Variants in AK5 observed in about 807,000 individuals in gnomAD.
AK5 encodes adenylate kinase 5, also known as adenylate kinase isoenzyme 5.
A neutral mutation model predicts 69.5 loss-of-function variants in AK5; 27 were observed. The observed-to-expected ratio is 0.39, with a 90% CI of 0.29 to 0.54. The LOEUF is 0.54. AK5 is among the 20% of genes least tolerant of loss of function. The pLI is 0.71. For missense variants in AK5, 531 were observed against 700.4 expected (o/e 0.76, Z 2.73); for synonymous variants, 260 against 244.4 (o/e 1.06, Z -0.60).
intron 5 of AK5, among the ~76,000 whole-genome samples, chr1:77,329,475 G>A (rs1308984499): frequency 6.6e-6 from 1 of 152,006 alleles, no homozygotes; most frequent in Non-Finnish European, 1.5e-5. Flanking sequence ...TGCCCAGGCT[G>A]GTCTCAAACT....
At chr1:77,337,056 C>A (rs1243367431) in intron 5 of AK5, among the ~76,000 whole-genome samples, 3 of 152,048 alleles carry the variant, frequency 2.0e-5, no homozygotes, top group Non-Finnish European at 2.9e-5. Context: ...GATCAAAAAT[C>A]TTATGTATTC....
intron 8 of AK5, among the ~76,000 whole-genome samples, chr1:77,473,014 G>A (rs1654617434): frequency 1.3e-5 from 2 of 152,058 alleles, no homozygotes; most frequent in South Asian, 4.1e-4. Context: ...CCCATCTCAG[G>A]ATCCTTAACT....
intron 6 of AK5, among the ~76,000 whole-genome samples, chr1:77,409,733 T>G (rs1649907712): frequency 6.6e-6 from 1 of 152,236 alleles, no homozygotes; most frequent in Admixed American, 6.5e-5. Flanking sequence ...GTGCAGAAGC[T>G]CTCAAGTTTA....
At chr1:77,353,494 T>C (rs1450492871) in intron 6 of AK5, among the ~76,000 whole-genome samples, 1 of 151,726 alleles carries the variant, frequency 6.6e-6, no homozygotes, top group Non-Finnish European at 1.5e-5. Context: ...AGAAAAAAAA[T>C]TATTTAGTGC....
intron 5 of AK5, among the ~76,000 whole-genome samples, chr1:77,330,209 TTAA>T (rs1451332722): frequency 6.6e-6 from 1 of 152,236 alleles, no homozygotes; most frequent in Non-Finnish European, 1.5e-5. Context: ...ATGGAGTATT[TTAA>T]TAATAAGTGT....
intron 8 of AK5, among the ~76,000 whole-genome samples, chr1:77,441,097 T>G (rs1652299199): frequency 6.6e-6 from 1 of 152,202 alleles, no homozygotes; most frequent in South Asian, 2.1e-4. Context: ...AGCTCTCTAT[T>G]GCATTTTTTA....
intron 6 of AK5, among the ~76,000 whole-genome samples, chr1:77,378,757 T>C (rs534290003): frequency 3.9e-5 from 6 of 152,270 alleles, no homozygotes; most frequent in African/African-American, 1.4e-4. Flanking sequence ...CCAGGGAAGA[T>C]AAAGGAGCTA....
At chr1:77,401,325 G>T (rs1222724842) in intron 6 of AK5, among the ~76,000 whole-genome samples, 1 of 152,182 alleles carries the variant, frequency 6.6e-6, no homozygotes, top group Non-Finnish European at 1.5e-5. Context: ...ATTTTGAAGG[G>T]CCAGTTATTT....
At chr1:77,553,006 C>A (rs1450388766) in intron 13 of AK5, among the ~76,000 whole-genome samples, 1 of 152,184 alleles carries the variant, frequency 6.6e-6, no homozygotes, top group Non-Finnish European at 1.5e-5. Flanking sequence ...CACTACTGCA[C>A]TCCAGCCTGG....
Position 77,354,236 on chromosome 1 carries a change from C to T in AK5, c.891+13668C>T, listed in dbSNP as rs1662374600. On this transcript the variant is annotated intron_variant, in intron 6 of 13. Coordinates refer to ENST00000354567, the MANE Select transcript of AK5 (RefSeq NM_174858.3). ...GCTCTCTCCCTGCTCAACAACCCCA[C>T]TGAGGAATTTAATTTAGCTTAGTAT... is the stretch of plus-strand genomic sequence containing the variant. Among the ~76,000 whole-genome samples the T allele has an allele frequency of 2.6e-5, 4 of 152,288 alleles. No individual in the cohort carries two copies. In the South Asian group the frequency reaches 8.3e-4, roughly 32 times the overall value.
chr1:77,420,283 C>G (rs996013945), intron 8 of AK5: 2 of 151,876 alleles, frequency 1.3e-5, no homozygotes, highest in African/African-American at 2.4e-5. Context: ...TGTAAACCAG[C>G]AGAAGATGGA....
At chr1:77,430,335 A>G (rs965291271) in intron 8 of AK5, among the ~76,000 whole-genome samples, 4 of 152,124 alleles carry the variant, frequency 2.6e-5, no homozygotes, top group Non-Finnish European at 4.4e-5. Context: ...GTTGAAGATG[A>G]CTTCTGGGTT....
At chr1:77,485,785 C>T (rs951568222) in intron 9 of AK5, among the ~76,000 whole-genome samples, 1 of 152,064 alleles carries the variant, frequency 6.6e-6, no homozygotes, top group Admixed American at 6.6e-5. Context: ...GTTGATCGTG[C>T]ATGTTAAAAT....
chr1:77,332,831 G>A (rs1432284791), intron 5 of AK5, among the ~76,000 whole-genome samples: 2 of 151,892 alleles, frequency 1.3e-5, no homozygotes, highest in African/African-American at 4.8e-5. Context: ...TGTTAATTGT[G>A]TTGAAATATT....
At chr1:77,342,026 G>A (rs1045260550) in intron 6 of AK5, among the ~76,000 whole-genome samples, 2 of 152,108 alleles carry the variant, frequency 1.3e-5, no homozygotes, top group Non-Finnish European at 2.9e-5. Context: ...AGCCTCCCAA[G>A]TAGCTGGGAT....
Position 77,402,238 on chromosome 1 carries a change from C to A in AK5, c.892-8743C>A, listed in dbSNP as rs17098287. ...GCTGCAGCACTATCACTCCTGCTAC[C>A]CTTTGTATTTTGAAGTTAACATCCA... On this transcript the variant is annotated intron_variant, in intron 6 of 13. Coordinates refer to ENST00000354567, the MANE Select transcript of AK5 (RefSeq NM_174858.3). 4.0e-5 allele frequency among the ~76,000 whole-genome samples: 6 copies of A among 151,888 alleles called. No homozygotes were observed. In the East Asian group the frequency reaches 1.2e-3, roughly 29 times the overall value.
intron 13 of AK5, among the ~76,000 whole-genome samples, chr1:77,538,040 C>T (rs896620261): frequency 5.9e-5 from 9 of 152,084 alleles, no homozygotes; most frequent in African/African-American, 1.7e-4. Context: ...ATAAAGACTT[C>T]GATCTTTAAT....
intron 5 of AK5, among the ~76,000 whole-genome samples, chr1:77,307,923 A>G (rs1158347214): frequency 6.6e-6 from 1 of 152,158 alleles, no homozygotes; most frequent in Non-Finnish European, 1.5e-5. Flanking sequence ...TTTTTTCTAT[A>G]TAGATAGTCG....
At chr1:77,451,986 T>C (rs1653187263) in intron 8 of AK5, among the ~76,000 whole-genome samples, 1 of 152,276 alleles carries the variant, frequency 6.6e-6, no homozygotes, top group Admixed American at 6.5e-5. Context: ...TTTATTTCTT[T>C]ATTTATGTAC....
Sources: allele counts gnomAD v4.1 joint callset (sites outside exome capture counted in the v4.1 genomes callset), GRCh38; gene constraint gnomAD v4.1.1; transcripts MANE v1.5; gene names NCBI Gene and HGNC (gene_info 2026-07-23, HGNC 2026-07-21).